The following GSE1 variants were observed in gnomAD, a reference collection of about 807,000 sequenced individuals.
GSE1 encodes genetic suppressor element 1.
A neutral mutation model predicts 112.6 loss-of-function variants in GSE1; 32 were observed. The ratio of observed to expected loss-of-function variants is 0.28; its 90% confidence interval spans 0.21 to 0.38. GSE1 has a LOEUF of 0.38. Among genes scored for constraint, GSE1 ranks in the 10% least tolerant of loss-of-function variants. The pLI, the probability that GSE1 is intolerant of heterozygous loss-of-function variation, is 1.00. For synonymous variants in GSE1, 1,115 were observed against 735.6 expected (o/e 1.52, Z -8.35); for missense variants, 2,348 against 1,699.2 (o/e 1.38, Z -6.71).
chr16:85,521,150 A>C (rs2052171807), intron 2 of GSE1, among the ~76,000 whole-genome samples: 1 of 151,406 alleles, frequency 6.6e-6, no homozygotes, highest in Admixed American at 6.6e-5. Context: ...GAGGCCTTGG[A>C]CTCCTGACCA....
At chr16:85,236,717 A>G (rs1359803025) in intron 1 of GSE1, among the ~76,000 whole-genome samples, 1 of 152,146 alleles carries the variant, frequency 6.6e-6, no homozygotes, top group Non-Finnish European at 1.5e-5. Context: ...TGGCCTGTGG[A>G]GTCCTGGCCA....
chr16:85,617,615 A>G (rs7198974), intron 1 of GSE1, among the ~76,000 whole-genome samples: 65,434 of 74,770 alleles, frequency 0.88, 28,525 homozygotes, highest in African/African-American at 0.96. Flanking sequence ...CCCCCCCGTT[A>G]ACTGCCACGT....
At chr16:85,235,591 T>C (rs962943053) in intron 1 of GSE1, among the ~76,000 whole-genome samples, 48 of 144,194 alleles carry the variant, frequency 3.3e-4, no homozygotes, top group African/African-American at 1.0e-3. Flanking sequence ...GGGGGGCGCG[T>C]GTTCTCGCCC....
intron 1 of GSE1, among the ~76,000 whole-genome samples, chr16:85,234,190 T>A (rs1904362924): frequency 6.6e-6 from 1 of 152,146 alleles, no homozygotes; most frequent in African/African-American, 2.4e-5. Flanking sequence ...CCCGCCCTCC[T>A]ATATTTGCCC....
Position 85,572,152 on chromosome 16 carries a change from C to A in GSE1, c.37+15789C>A, listed in dbSNP as rs372325200. Among the ~76,000 whole-genome samples the A allele has an allele frequency of 2.3e-3, 335 of 147,666 alleles. 2 individuals are homozygous for A. Among genetic ancestry groups the A allele is most frequent in the African/African-American group, 7.9e-3 (314 of 39,880 alleles). ...CACACCACATACCACACACAACACACCACACACACACTGAATACTACACAC... is the reference window on the plus strand; with the variant it reads ...CACACCACATACCACACACAACACAACACACACACACTGAATACTACACAC... On this transcript the variant is annotated intron_variant, in intron 1 of 2. Transcript: ENST00000635906.
chr16:85,617,652 G>A (rs2048464637), intron 1 of GSE1, among the ~76,000 whole-genome samples: 1 of 131,092 alleles, frequency 7.6e-6, no homozygotes, highest in South Asian at 2.4e-4. Context: ...CCCTGGCTCT[G>A]CTTTCTTCCA....
At chr16:85,233,374 C>G (rs1904310444) in intron 1 of GSE1, among the ~76,000 whole-genome samples, 1 of 152,222 alleles carries the variant, frequency 6.6e-6, no homozygotes, top group African/African-American at 2.4e-5. Flanking sequence ...TGAGTTGGAG[C>G]CAGGCTGGAG....
chr16:85,668,228 C>T lies in GSE1; in HGVS notation c.3219C>T (p.Arg1073=), dbSNP rs756601856. The T allele has an allele frequency of 2.2e-5, 35 of 1,609,216 alleles. 1 individual carries two copies. Among genetic ancestry groups the T allele is most frequent in the Admixed American group, 3.3e-5 (2 of 59,986 alleles). The change falls in exon 14 of 16, where the codon CGC becomes CGT. Residue 1073 remains arginine, a synonymous_variant. Transcript: ENST00000253458. The part of the protein sequence containing the change: ...YNIPELQSSS[R]APPPQHNGQQ... ...TTCCTGAGCTGCAGTCCTCCAGCCG[C>T]GCCCCTCCACCCCAGCACAATGGGC...
intron 2 of GSE1, among the ~76,000 whole-genome samples, chr16:85,460,558 CA>C (rs1567504832): frequency 6.6e-6 from 1 of 152,206 alleles, no homozygotes; most frequent in Admixed American, 6.5e-5. Context: ...AACTGACAGG[CA>C]GAAAGTGGGC....
chr16:85,417,272 C>G (rs1229303304), intron 2 of GSE1, among the ~76,000 whole-genome samples: 1 of 152,224 alleles, frequency 6.6e-6, no homozygotes, highest in Non-Finnish European at 1.5e-5. Flanking sequence ...ATGCCAGTAG[C>G]ACTCACTCCC....
chr16:85,523,578 C>T (rs1206855699), intron 2 of GSE1, among the ~76,000 whole-genome samples: 5 of 152,174 alleles, frequency 3.3e-5, no homozygotes, highest in African/African-American at 1.2e-4. Context: ...AGCCGCCTCC[C>T]ACTCCACTCC....
At chr16:85,242,656 C>G (rs1905256791) in intron 1 of GSE1, among the ~76,000 whole-genome samples, 1 of 152,206 alleles carries the variant, frequency 6.6e-6, no homozygotes, top group Admixed American at 6.5e-5. Context: ...ACTCTGGAAA[C>G]AGGAGGTATA....
intron 1 of GSE1, among the ~76,000 whole-genome samples, chr16:85,605,311 C>T (rs908921755): frequency 6.6e-5 from 10 of 151,982 alleles, no homozygotes; most frequent in African/African-American, 2.4e-4. Context: ...GAAAAGAGTT[C>T]CGCTGCTCTC....
chr16:85,220,749 A>G (rs2075376742), intron 1 of GSE1, among the ~76,000 whole-genome samples: 1 of 151,528 alleles, frequency 6.6e-6, no homozygotes, highest in South Asian at 2.1e-4. Flanking sequence ...GTCTGCCTCT[A>G]TCCCTTTCTC....
chr16:85,523,595 C>T (rs1567559344), intron 2 of GSE1, among the ~76,000 whole-genome samples: 1 of 152,194 alleles, frequency 6.6e-6, no homozygotes, highest in Non-Finnish European at 1.5e-5. Flanking sequence ...CTCCTGGCCC[C>T]AGCCGTGGGG....
intron 2 of GSE1, among the ~76,000 whole-genome samples, chr16:85,437,778 C>T (rs1482667127): frequency 6.6e-6 from 1 of 152,180 alleles, no homozygotes; most frequent in Non-Finnish European, 1.5e-5. Flanking sequence ...GGAGGCCGAA[C>T]ACCACCGCCT....
intron 1 of GSE1, among the ~76,000 whole-genome samples, chr16:85,314,174 C>G (rs2045934234): frequency 6.6e-6 from 1 of 152,156 alleles, no homozygotes; most frequent in African/African-American, 2.4e-5. Flanking sequence ...TCCCCTGAGG[C>G]AGTGCCTCAC....
In GSE1 at chr16:85,654,827, C is replaced by G. The variant is rs745477969; in HGVS notation, c.633C>G (p.Pro211=). ...LQRPVHHVVP[P]STVTEDYLRS... ...GGCCCGTGCACCACGTGGTGCCCCC[C>G]AGTACCGTGACCGAGGACTACCTGA... is the stretch of plus-strand genomic sequence containing the variant. Residue 211 remains proline, a synonymous_variant, in exon 5 of 16, where the codon CCC becomes CCG. Transcript: ENST00000253458. The G allele has an allele frequency of 1.9e-6, 3 of 1,612,018 alleles. No individual in the cohort carries two copies. The highest frequency in any genetic ancestry group is 2.5e-6 in the Non-Finnish European group (3 of 1,179,572).
chr16:85,658,775 C>T (rs753645301), intron 8 of GSE1, among the ~76,000 whole-genome samples: 1 of 151,986 alleles, frequency 6.6e-6, no homozygotes, highest in Admixed American at 6.6e-5. Context: ...GGCCTGATAA[C>T]ATCAGGGTGC....
Sources: gnomAD v4.1 joint callset for allele counts (sites outside exome capture counted in the v4.1 genomes callset) on GRCh38, gnomAD v4.1.1 for gene constraint, MANE v1.5 for transcripts, NCBI Gene and HGNC (gene_info 2026-07-23, HGNC 2026-07-21) for gene names.